The following PCSK5 variants were observed in gnomAD, a reference collection of about 807,000 sequenced individuals.
The protein encoded by PCSK5 is proprotein convertase subtilisin/kexin type 5, also known as prohormone convertase 5.
PCSK5 carries 129 observed loss-of-function variants against 233.2 expected under a neutral mutation model. The observed-to-expected ratio is 0.55, with a 90% CI of 0.48 to 0.64. The LOEUF is 0.64. Ranked by LOEUF, PCSK5 falls within the 30% of genes least tolerant of loss-of-function variation. PCSK5 has a pLI of 0.00. For missense variants in PCSK5, 2,076 were observed against 2,430.1 expected, an observed-to-expected ratio of 0.85 and a Z score of 3.06; for synonymous variants, 825 against 879.2, an observed-to-expected ratio of 0.94 and a Z score of 1.09.
At chr9:76,343,823 T>C (rs1016402905) in intron 35 of PCSK5, among the ~76,000 whole-genome samples, 1 of 152,136 alleles carries the variant, frequency 6.6e-6, no homozygotes, top group South Asian at 2.1e-4. Context: ...TCTACAACTG[T>C]GAACAAGACA....
intron 7 of PCSK5, among the ~76,000 whole-genome samples, chr9:76,092,946 C>T (rs1029034): frequency 0.66 from 100,613 of 151,914 alleles, 33,528 homozygotes; most frequent in South Asian, 0.77. Context: ...TCATAGAAGA[C>T]TGACATAAAA....
At chr9:76,241,306 G>A (rs1353776755) in intron 24 of PCSK5, among the ~76,000 whole-genome samples, 1 of 152,186 alleles carries the variant, frequency 6.6e-6, no homozygotes, top group African/African-American at 2.4e-5. Context: ...GCTGGATGTG[G>A]TAGCAGGCAC....
intron 5 of PCSK5, among the ~76,000 whole-genome samples, chr9:76,032,619 T>C (rs893035066): frequency 1.3e-5 from 2 of 152,120 alleles, no homozygotes; most frequent in African/African-American, 4.8e-5. Context: ...TTAGAGGAGA[T>C]CATAAAAACC....
intron 33 of PCSK5, among the ~76,000 whole-genome samples, chr9:76,329,002 A>G (rs1198857105): frequency 1.3e-5 from 1 of 75,518 alleles, no homozygotes; most frequent in Non-Finnish European, 2.8e-5. Flanking sequence ...TATTTTTGGT[A>G]GAGACGGGGT....
At chr9:75,963,239 C>G (rs1825431418) in intron 2 of PCSK5, among the ~76,000 whole-genome samples, 2 of 152,252 alleles carry the variant, frequency 1.3e-5, no homozygotes, top group Middle Eastern at 3.4e-3. Flanking sequence ...ACATACCACT[C>G]TGGGGAAAAA....
At chr9:76,044,010 A>C (rs564044832) in intron 5 of PCSK5, among the ~76,000 whole-genome samples, 3 of 152,182 alleles carry the variant, frequency 2.0e-5, no homozygotes, top group Non-Finnish European at 4.4e-5. Flanking sequence ...GTTTTTTTTA[A>C]ATAAAAAAGG....
At chr9:76,119,444 T>C (rs532288075) in intron 9 of PCSK5, among the ~76,000 whole-genome samples, 2 of 152,218 alleles carry the variant, frequency 1.3e-5, no homozygotes, top group African/African-American at 4.8e-5. Context: ...TAGAGAATTT[T>C]ACATATGCTG....
chr9:76,256,199 G>A (rs1488918925), intron 24 of PCSK5, among the ~76,000 whole-genome samples: 3 of 152,184 alleles, frequency 2.0e-5, no homozygotes, highest in African/African-American at 4.8e-5. Flanking sequence ...ACATAGTGGC[G>A]AGGTATCTTA....
At chr9:76,328,412 C>T (rs142206416) in intron 33 of PCSK5, among the ~76,000 whole-genome samples, 173 bp downstream of exon 33, 20 of 152,206 alleles carry the variant, frequency 1.3e-4, no homozygotes, top group Non-Finnish European at 2.6e-4. Flanking sequence ...CAAAGAACAG[C>T]GCACGGATGT....
intron 7 of PCSK5, among the ~76,000 whole-genome samples, chr9:76,094,812 G>A (rs550217213): frequency 6.6e-6 from 1 of 152,172 alleles, no homozygotes; most frequent in South Asian, 2.1e-4. Context: ...GTTTCCCCAT[G>A]TTGGACAGGC....
At chr9:75,977,724 C>T (rs12551488) in intron 2 of PCSK5, among the ~76,000 whole-genome samples, 1,692 of 151,792 alleles carry the variant, frequency 0.011, 18 homozygotes, top group South Asian at 0.034. Context: ...AATTCTCCTG[C>T]CTCATCCCCC....
intron 2 of PCSK5, among the ~76,000 whole-genome samples, chr9:75,960,718 G>A (rs1344737932): frequency 6.6e-6 from 1 of 152,260 alleles, no homozygotes; most frequent in African/African-American, 2.4e-5. Context: ...TGCTCCAGCC[G>A]TGCTCTACTT....
At chr9:76,041,525 T>C (rs1287341529) in intron 5 of PCSK5, among the ~76,000 whole-genome samples, 1 of 152,208 alleles carries the variant, frequency 6.6e-6, no homozygotes, top group Non-Finnish European at 1.5e-5. Flanking sequence ...CTTATGACTA[T>C]GTCCAAACTC....
intron 20 of PCSK5, among the ~76,000 whole-genome samples, chr9:76,200,570 A>G (rs1424612843): frequency 6.6e-6 from 1 of 152,220 alleles, no homozygotes; most frequent in Non-Finnish European, 1.5e-5. Flanking sequence ...TGCTTAAGAA[A>G]TATTTGTGGA....
At chr9:76,010,563 C>G (rs1208822307) in intron 3 of PCSK5, among the ~76,000 whole-genome samples, 1 of 152,152 alleles carries the variant, frequency 6.6e-6, no homozygotes, top group Non-Finnish European at 1.5e-5. Flanking sequence ...GTTGACTGAG[C>G]AGCTTTTTGG....
intron 3 of PCSK5, among the ~76,000 whole-genome samples, chr9:76,006,818 T>G (rs542692063): frequency 6.6e-6 from 1 of 152,328 alleles, no homozygotes; most frequent in Admixed American, 6.5e-5. Flanking sequence ...TCTAGAGGCT[T>G]GATATTTGAA....
intron 6 of PCSK5, among the ~76,000 whole-genome samples, chr9:76,070,369 A>G (rs1830442767): frequency 6.6e-6 from 1 of 152,208 alleles, no homozygotes; most frequent in Admixed American, 6.5e-5. Context: ...CATCTCCATT[A>G]AAAATTCAAG....
chr9:75,891,093 C>T lies in PCSK5; in HGVS notation c.-89C>T, dbSNP rs1158535615. 481 of 1,063,658 alleles carry T rather than the reference C, an allele frequency of 4.5e-4. No homozygotes were observed. Among genetic ancestry groups the T allele is most frequent in the East Asian group, 1.3e-3 (38 of 29,742 alleles). 65.9% of individuals were successfully genotyped at this position (1,063,658 alleles called of 1,614,324 possible). ...GCTGCGGCGGCCCGGGGCTGCTCGC[C>T]GGGCGGCGCAGGCCGGAGAAGTTAG... On this transcript the variant is annotated 5_prime_UTR_variant, in exon 1 of 38. Coordinates refer to ENST00000674117, the MANE Select transcript of PCSK5 (RefSeq NM_001372043.1).
At position 76,239,183 on chromosome 9, in the gene PCSK5, C is replaced by T; in HGVS notation, c.3073+18C>T. The T allele has an allele frequency of 9.0e-6, 14 of 1,552,442 alleles. No homozygotes were observed. Among genetic ancestry groups the T allele is most frequent in the South Asian group, 1.2e-5 (1 of 84,690 alleles). On this transcript the variant is annotated intron_variant, in intron 23 of 37. Coordinates refer to ENST00000674117, the MANE Select transcript of PCSK5 (RefSeq NM_001372043.1). Reference sequence around the variant, plus strand: ...TGGACAAGGTAAGCCTGCTCCTGGGCCCTTGCCCAGCACCCGAACATGGGA... The same window carrying T: ...TGGACAAGGTAAGCCTGCTCCTGGGTCCTTGCCCAGCACCCGAACATGGGA...
Sources: gnomAD v4.1 joint callset for allele counts (sites outside exome capture counted in the v4.1 genomes callset) on GRCh38, gnomAD v4.1.1 for gene constraint, MANE v1.5 for transcripts, NCBI Gene and HGNC (gene_info 2026-07-23, HGNC 2026-07-21) for gene names.